Variants in GRTP1 observed in about 807,000 individuals in gnomAD.
The protein encoded by GRTP1 is growth hormone-regulated TBC protein 1.
In GRTP1, 56 loss-of-function variants were observed where a neutral mutation model predicts 38.1. The observed-to-expected ratio is 1.47, with a 90% CI of 1.19 to 1.84. The LOEUF (loss-of-function observed/expected upper bound fraction) is 1.84, where lower values mean the gene tolerates loss of function less well. GRTP1 is among the 40% of genes most tolerant of loss of function. The pLI is 0.00. For synonymous variants in GRTP1, 217 were observed against 189.5 expected, an observed-to-expected ratio of 1.14 and a Z score of -1.19; for missense variants, 506 against 453.9, an observed-to-expected ratio of 1.11 and a Z score of -1.04.
intron 2 of GRTP1, among the ~76,000 whole-genome samples, chr13:113,356,748 G>A (rs551925602): frequency 4.6e-5 from 7 of 152,248 alleles, no homozygotes; most frequent in Admixed American, 6.5e-5. Flanking sequence ...AAGCACTATA[G>A]GGTAAAACTT....
At chr13:113,337,731 G>A (rs748343646) in intron 5 of GRTP1, among the ~76,000 whole-genome samples, 34 of 152,232 alleles carry the variant, frequency 2.2e-4, no homozygotes, top group Admixed American at 1.6e-3. Context: ...CTGTGACAAA[G>A]CCAGCCCAAC....
intron 5 of GRTP1, among the ~76,000 whole-genome samples, chr13:113,334,066 C>T (rs2042919728): frequency 6.6e-6 from 1 of 152,122 alleles, no homozygotes; most frequent in Non-Finnish European, 1.5e-5. Flanking sequence ...AACTCCTGAC[C>T]CCAGGTGATC....
chr13:113,325,870 G>A (rs2042756945), intron 6 of GRTP1, 24 bp from the exon 7 acceptor site: 1 of 1,613,838 alleles, frequency 6.2e-7, no homozygotes, highest in Admixed American at 1.7e-5. Context: ...GGAACCCGGT[G>A]TCACTCCCTG....
At position 113,349,701 on chromosome 13, in the gene GRTP1, C is replaced by T. The variant is rs1406998046; in HGVS notation, c.465+1148G>A. On this transcript the variant is annotated intron_variant, in intron 4 of 7. Coordinates refer to ENST00000375431, the MANE Select transcript of GRTP1 (RefSeq NM_024719.4). This position sits in a 1 kb window ranked among gnomAD's most constrained non-coding sequence, Gnocchi z 5.0. ...CTGGCCTTTCACAGGGCGCTCCTCA[C>T]GCAACGTCCACCCTTTCTCCTCGGG... 2.0e-5 allele frequency among the ~76,000 whole-genome samples: 3 copies of T among 152,218 alleles called. No individual in the cohort carries two copies. Among genetic ancestry groups the T allele is most frequent in the African/African-American group, 4.8e-5 (2 of 41,462 alleles).
At position 113,349,949 on chromosome 13, in the gene GRTP1, A is replaced by G. The variant is rs1237224133; in HGVS notation, c.465+900T>C. Among the ~76,000 whole-genome samples the G allele has an allele frequency of 6.6e-6, 1 of 152,124 alleles. No homozygotes were observed. Among genetic ancestry groups the G allele is most frequent in the Non-Finnish European group, 1.5e-5 (1 of 68,024 alleles). Reference sequence around the variant, plus strand: ...AACGTTTAAGCCAGCCACAACCCCTAGGAGCCCGTGAAGCACATGGCCTAA... The same window carrying G: ...AACGTTTAAGCCAGCCACAACCCCTGGGAGCCCGTGAAGCACATGGCCTAA... On this transcript the variant is annotated intron_variant, in intron 4 of 7. Transcript: ENST00000375431. The surrounding 1 kb of genome is among the most constrained non-coding windows in gnomAD (Gnocchi z 5.0).
chr13:113,333,854 T>TGTGG (rs2042914702), intron 5 of GRTP1, among the ~76,000 whole-genome samples: 4 of 131,238 alleles, frequency 3.0e-5, no homozygotes, highest in African/African-American at 1.1e-4. Flanking sequence ...TGTGTGTGTG[T>TGTGG]GTGTGTGTGT....
Position 113,330,730 on chromosome 13 carries a change from A to G in GRTP1, c.563-4639T>C, listed in dbSNP as rs79963946. 1.6e-3 allele frequency among the ~76,000 whole-genome samples: 61 copies of G among 37,594 alleles called. 27 individuals carry two copies. The highest frequency in any genetic ancestry group is 2.9e-3 in the South Asian group (2 of 688). The allele number at this position is 37,594 out of a possible 152,430, so 24.7% of individuals were successfully genotyped here. ...TGGAAACCCGGGTGTGTGCATGGAA[A>G]CCCAGGTGTGTGCATGGGAGCCCAG... is the stretch of plus-strand genomic sequence containing the variant. On this transcript the variant is annotated intron_variant, in intron 5 of 7. Coordinates refer to ENST00000375431, the MANE Select transcript of GRTP1 (RefSeq NM_024719.4).
intron 5 of GRTP1, among the ~76,000 whole-genome samples, chr13:113,328,607 C>T (rs1032338466): frequency 2.0e-5 from 3 of 152,224 alleles, no homozygotes; most frequent in Non-Finnish European, 2.9e-5. Flanking sequence ...GCAGCCTCAA[C>T]CTCCTGGGCT....
chr13:113,348,023 C>T lies in GRTP1; in HGVS notation c.465+2826G>A, dbSNP rs183156073. On this transcript the variant is annotated intron_variant, in intron 4 of 7. Transcript: ENST00000375431. The surrounding 1 kb of genome is among the most constrained non-coding windows in gnomAD (Gnocchi z 4.8). Reference sequence around the variant, plus strand: ...GTGTGGCTGAGCGGACCTGGGAGGACCTGTCTGGCCGAGTGGACCCGGGAG... The same window carrying T: ...GTGTGGCTGAGCGGACCTGGGAGGATCTGTCTGGCCGAGTGGACCCGGGAG... Among the ~76,000 whole-genome samples, 14 of 149,426 alleles carry T rather than the reference C, an allele frequency of 9.4e-5. 1 individual carries two copies. The highest frequency in any genetic ancestry group is 3.2e-4 in the African/African-American group (13 of 40,502).
chr13:113,340,963 T>C (rs977355895), intron 5 of GRTP1, among the ~76,000 whole-genome samples: 5 of 152,172 alleles, frequency 3.3e-5, no homozygotes, highest in African/African-American at 4.8e-5. Flanking sequence ...CATTTCTGTC[T>C]CTTCATTTTT....
At chr13:113,340,302 C>G (rs2043008429) in intron 5 of GRTP1, among the ~76,000 whole-genome samples, 1 of 151,470 alleles carries the variant, frequency 6.6e-6, no homozygotes, top group African/African-American at 2.4e-5. Flanking sequence ...ATAGCAAGAA[C>G]CTGTCTCTAC....
At position 113,324,509 on chromosome 13, in the gene GRTP1, G is replaced by T; in HGVS notation, c.990C>A (p.Ala330=). ...TVAKLRESCR[A]RLLAQG Reference sequence around the variant, plus strand: ...ACGCTCACCCCTGTGCCAGCAGCCGGGCCCTGCAGCTCTCGCGGAGCTTGG... The same window carrying T: ...ACGCTCACCCCTGTGCCAGCAGCCGTGCCCTGCAGCTCTCGCGGAGCTTGG... The change falls in exon 8 of 8, where the codon GCC becomes GCA. Residue 330 remains alanine, a synonymous_variant. Transcript: ENST00000375431. 1 of 1,611,218 alleles carries T rather than the reference G, an allele frequency of 6.2e-7. No homozygotes were observed. Among genetic ancestry groups the T allele is most frequent in the Non-Finnish European group, 8.5e-7 (1 of 1,178,958 alleles).
chr13:113,357,899 C>G (rs1270025043), intron 2 of GRTP1, among the ~76,000 whole-genome samples: 1 of 152,190 alleles, frequency 6.6e-6, no homozygotes, highest in Non-Finnish European at 1.5e-5. Flanking sequence ...AAAACTGCGG[C>G]CTGGCGTGGT....
intron 5 of GRTP1, among the ~76,000 whole-genome samples, chr13:113,331,528 C>T (rs57084559): frequency 6.6e-6 from 1 of 152,134 alleles, no homozygotes; most frequent in African/African-American, 2.4e-5. Flanking sequence ...GCCAGCCTCT[C>T]TGCATCTCTT....
intron 5 of GRTP1, among the ~76,000 whole-genome samples, chr13:113,333,290 C>T (rs1369271703): frequency 6.6e-6 from 1 of 152,200 alleles, no homozygotes; most frequent in Non-Finnish European, 1.5e-5. Flanking sequence ...CTAAGACACA[C>T]AGCCCAGGTG....
chr13:113,347,508 G>A (rs74414272), intron 4 of GRTP1, among the ~76,000 whole-genome samples: 1,402 of 12,776 alleles, frequency 0.11, 232 homozygotes, highest in Middle Eastern at 0.5. Context: ...GGCCGAGAGC[G>A]GACCCAGGAG....
rs200753978 is a variant in GRTP1 at position 113,325,947 on chromosome 13, C to G, written c.707G>C (p.Cys236Ser). ...CACGGGCAAGATGTCCACAAACAGG[C>G]AGATGAACCAGCGGGACACCAGCAG... Reference protein sequence around the residue: ...WTLLVSRWFICLFVDILPVET... With the variant: ...WTLLVSRWFISLFVDILPVET... Residue 236 changes from cysteine (C) to serine (S), a missense_variant, in exon 6 of 8, where the codon TGC becomes TCC. Cys to Ser is a moderately radical substitution (Grantham distance 112). Transcript: ENST00000375431. The G allele has an allele frequency of 5.6e-6, 9 of 1,613,962 alleles. No homozygotes were observed. In the Admixed American group the frequency reaches 6.7e-5, roughly 12 times the overall value.
At chr13:113,333,897 C>T (rs1436919672) in intron 5 of GRTP1, among the ~76,000 whole-genome samples, 10 of 143,612 alleles carry the variant, frequency 7.0e-5, no homozygotes, top group South Asian at 6.7e-4. Flanking sequence ...TGCAGTAGCG[C>T]GATCTTGGTT....
chr13:113,345,025 A>C, intron 4 of GRTP1, 66 bp from the exon 5 acceptor site: 1 of 1,533,362 alleles, frequency 6.5e-7, no homozygotes, highest in Non-Finnish European at 8.7e-7. Flanking sequence ...TTCTGCAATC[A>C]TTCGGCTACA....
Sources: gnomAD v4.1 joint callset for allele counts (sites outside exome capture counted in the v4.1 genomes callset) on GRCh38, gnomAD v4.1.1 for gene constraint, Gnocchi (gnomAD v3.1) non-coding constraint, MANE v1.5 for transcripts, NCBI Gene and HGNC (gene_info 2026-07-23, HGNC 2026-07-21) for gene names.